The following AFF3 variants were observed in gnomAD, a reference collection of about 807,000 sequenced individuals.
AFF3 encodes AF4/FMR2 family member 3.
A neutral mutation model predicts 129.7 loss-of-function variants in AFF3; 32 were observed. That is an observed-to-expected ratio of 0.25 (90% CI 0.19 to 0.33). The LOEUF (loss-of-function observed/expected upper bound fraction) is 0.33. AFF3 is among the 10% of genes least tolerant of loss of function. AFF3 has a pLI of 1.00. For missense variants in AFF3, 1,373 were observed against 1,592.0 expected, an observed-to-expected ratio of 0.86 and a Z score of 2.34; for synonymous variants, 644 against 635.4, an observed-to-expected ratio of 1.01 and a Z score of -0.20.
intron 8 of AFF3, among the ~76,000 whole-genome samples, chr2:99,754,392 C>T (rs1199087370): frequency 6.6e-6 from 1 of 152,160 alleles, no homozygotes. Flanking sequence ...GACAACATTG[C>T]GAAGTACAAA....
intron 7 of AFF3, among the ~76,000 whole-genome samples, chr2:99,977,382 C>T (rs868194574): frequency 6.6e-6 from 1 of 152,162 alleles, no homozygotes; most frequent in Admixed American, 6.5e-5. Flanking sequence ...TGATTTCCAA[C>T]GTGGCAGAGA....
chr2:100,093,592 GA>G (rs1559120176), intron 4 of AFF3, among the ~76,000 whole-genome samples: 1 of 151,874 alleles, frequency 6.6e-6, no homozygotes, highest in African/African-American at 2.4e-5. Context: ...AAAATTAAAG[GA>G]AGTCACTTAC....
At chr2:99,584,348 A>G (rs1677881000) in intron 16 of AFF3, among the ~76,000 whole-genome samples, 1 of 152,138 alleles carries the variant, frequency 6.6e-6, no homozygotes, top group Non-Finnish European at 1.5e-5. Flanking sequence ...CATGCCTGTA[A>G]TCCCAGCTAC....
chr2:99,848,506 T>C (rs1689901643), intron 7 of AFF3, among the ~76,000 whole-genome samples: 1 of 152,086 alleles, frequency 6.6e-6, no homozygotes, highest in African/African-American at 2.4e-5. Context: ...AGTATAGAAT[T>C]GATCATAAAG....
chr2:100,041,431 G>A (rs1685424731), intron 4 of AFF3, among the ~76,000 whole-genome samples: 1 of 152,178 alleles, frequency 6.6e-6, no homozygotes, highest in African/African-American at 2.4e-5. Flanking sequence ...CAGATGACAG[G>A]CAGGAAGCTG....
intron 4 of AFF3, among the ~76,000 whole-genome samples, chr2:100,032,634 T>C (rs189346182): frequency 1.8e-4 from 27 of 152,282 alleles, no homozygotes; most frequent in Admixed American, 7.2e-4. Flanking sequence ...TCTAGTACAA[T>C]TTTTTTCACA....
intron 7 of AFF3, among the ~76,000 whole-genome samples, chr2:99,916,863 G>A (rs577405481): frequency 7.2e-5 from 11 of 152,080 alleles, no homozygotes; most frequent in Non-Finnish European, 1.5e-4. Context: ...GAGGCCACAA[G>A]GCAAAGACAC....
chr2:100,051,925 G>C (rs1686369401), intron 4 of AFF3, among the ~76,000 whole-genome samples: 1 of 152,188 alleles, frequency 6.6e-6, no homozygotes, highest in Non-Finnish European at 1.5e-5. Flanking sequence ...CTAAGTAATG[G>C]ACCCTTAAAT....
Position 99,762,081 on chromosome 2 carries a change from T to C in AFF3, c.922-9780A>G, listed in dbSNP as rs141124362. On this transcript the variant is annotated intron_variant, in intron 8 of 24. Transcript: ENST00000672756. ...TCTGTGAAGGTGACCTGTGCTACCC[T>C]GAGCGAGCCCTCTCTACCCTCCACT... 9.9e-5 allele frequency among the ~76,000 whole-genome samples: 15 copies of C among 151,986 alleles called. No homozygotes were observed. The East Asian group carries it at 2.7e-3, about 27-fold the overall frequency.
At chr2:100,060,484 TC>T (rs774097205) in intron 4 of AFF3, among the ~76,000 whole-genome samples, 1 of 152,138 alleles carries the variant, frequency 6.6e-6, no homozygotes, top group Non-Finnish European at 1.5e-5. Context: ...CAATTTCTCA[TC>T]CCTTCTGAAA....
chr2:99,823,416 T>C (rs1483318461), intron 8 of AFF3, among the ~76,000 whole-genome samples: 2 of 152,202 alleles, frequency 1.3e-5, no homozygotes, highest in Admixed American at 6.5e-5. Context: ...AGTATTCTGA[T>C]AATGTTAAGG....
At position 99,971,085 on chromosome 2, in the gene AFF3, A is replaced by G. The variant is rs143261629; in HGVS notation, c.873+35547T>C. Among the ~76,000 whole-genome samples, 8 of 152,266 alleles carry G rather than the reference A, an allele frequency of 5.3e-5. No homozygotes were observed. The East Asian group carries it at 1.4e-3, about 26-fold the overall frequency. The stretch of plus-strand genomic sequence containing the variant: ...TATCCTACCAACCCCCTGACTCTAA[A>G]TAACTCTTTTTATTAAGCCACAAGA... On this transcript the variant is annotated intron_variant, in intron 7 of 24. Transcript: ENST00000672756.
At chr2:99,907,704 T>C (rs919702393) in intron 7 of AFF3, among the ~76,000 whole-genome samples, 1 of 152,096 alleles carries the variant, frequency 6.6e-6, no homozygotes, top group African/African-American at 2.4e-5. Context: ...AATGGCACGA[T>C]CCCAGCTTAC....
In AFF3 at chr2:100,018,435, CAG is replaced by C. The variant is rs535822512; in HGVS notation, c.54-9505_54-9504del. Among the ~76,000 whole-genome samples the C allele has an allele frequency of 1.5e-3, 221 of 152,188 alleles. 1 individual carries two copies. The highest frequency in any genetic ancestry group is 5.1e-3 in the African/African-American group (213 of 41,502). On this transcript the variant is annotated intron_variant, in intron 4 of 24. Coordinates refer to ENST00000672756, the MANE Select transcript of AFF3 (RefSeq NM_001386135.1). ...ACTCCAGTGGGTTTTCGAGAGATGA[CAG>C]ATAAATGACAGCTTTGCATTTCCAA...
intron 11 of AFF3, among the ~76,000 whole-genome samples, chr2:99,678,021 T>A (rs537376895): frequency 2.8e-4 from 43 of 152,304 alleles, no homozygotes; most frequent in African/African-American, 1.0e-3. Context: ...TACTTCTGTG[T>A]CCACTGTGTG....
chr2:99,724,199 C>T (rs1333742242), intron 11 of AFF3, among the ~76,000 whole-genome samples: 1 of 150,182 alleles, frequency 6.7e-6, no homozygotes, highest in Non-Finnish European at 1.5e-5. Context: ...CCCACACCCC[C>T]TCTTGGTATG....
At chr2:99,619,187 G>T (rs1681749871) in intron 13 of AFF3, among the ~76,000 whole-genome samples, 4 of 152,190 alleles carry the variant, frequency 2.6e-5, no homozygotes, top group Admixed American at 6.5e-5. Context: ...GTCTCTGTCT[G>T]AACAAACCAA....
At chr2:99,973,236 C>T (rs971506113) in intron 7 of AFF3, among the ~76,000 whole-genome samples, 1 of 152,172 alleles carries the variant, frequency 6.6e-6, no homozygotes, top group Non-Finnish European at 1.5e-5. Context: ...TAACTCTGGT[C>T]TACGCCTCCT....
At chr2:100,031,987 G>C (rs989805847) in intron 4 of AFF3, among the ~76,000 whole-genome samples, 5 of 152,008 alleles carry the variant, frequency 3.3e-5, no homozygotes, top group East Asian at 1.9e-4. Flanking sequence ...CATATTGAAA[G>C]TATGTCATAT....
Sources: gnomAD v4.1 joint callset for allele counts (sites outside exome capture counted in the v4.1 genomes callset) on GRCh38, gnomAD v4.1.1 for gene constraint, MANE v1.5 for transcripts, NCBI Gene and HGNC (gene_info 2026-07-23, HGNC 2026-07-21) for gene names.